SYCE1: variants seen among roughly 807,000 people sequenced by gnomAD.
SYCE1 encodes the protein synaptonemal complex central element protein 1.
Under a neutral mutation model 55.1 loss-of-function variants are expected in SYCE1, and 37 were observed. The ratio of observed to expected loss-of-function variants is 0.67; its 90% CI spans 0.52 to 0.88. The LOEUF (loss-of-function observed/expected upper bound fraction) is 0.88, where lower values mean the gene tolerates loss of function less well. Among genes scored for constraint, SYCE1 ranks in the 40% least tolerant of loss-of-function variants. The pLI is 0.00. For missense variants in SYCE1, 399 were observed against 416.4 expected, an observed-to-expected ratio of 0.96 and a Z score of 0.36; for synonymous variants, 163 against 159.4, an observed-to-expected ratio of 1.02 and a Z score of -0.17.
downstream of SYCE1, chr10:133,554,678 G>C (rs756197259): frequency 2.7e-6 from 2 of 750,472 alleles, no homozygotes. Context: ...GTGTAGTCCA[G>C]ACCTGTAATG....
At chr10:133,557,538 G>A in intron 6 of SYCE1, 1 of 497,178 alleles carries the variant, frequency 2.0e-6, no homozygotes, top group South Asian at 2.6e-5. Context: ...AGAGAGAATG[G>A]ACAAATGGTT....
At chr10:133,559,181 G>A in intron 3 of SYCE1, 120 bp downstream of exon 3, 1 of 1,125,546 alleles carries the variant, frequency 8.9e-7, no homozygotes, top group Non-Finnish European at 1.3e-6. Context: ...TTAAGGCTCT[G>A]CTGTTGCTGT....
chr10:133,557,281 A>G, intron 6 of SYCE1, 125 bp from the exon 7 acceptor site: 1 of 764,324 alleles, frequency 1.3e-6, no homozygotes, highest in Admixed American at 2.0e-5. Context: ...TCTCTGTAAC[A>G]TGTGGTAAGT....
chr10:133,555,553 C>T (rs754590196), intron 11 of SYCE1, 44 bp downstream of exon 11: 9 of 1,601,900 alleles, frequency 5.6e-6, no homozygotes, highest in East Asian at 4.5e-5. Flanking sequence ...CAACATCAGT[C>T]ATCTTCCTGG....
chr10:133,559,557 T>G, intron 2 of SYCE1, 197 bp from the exon 3 acceptor site: 1 of 592,884 alleles, frequency 1.7e-6, no homozygotes, highest in Non-Finnish European at 3.0e-6. Context: ...CGAATGGGGC[T>G]GCGGTAACCG....
chr10:133,565,635 A>G (rs1232512163), upstream of SYCE1: 1 of 1,096,114 alleles, frequency 9.1e-7, no homozygotes, highest in Non-Finnish European at 1.3e-6. Flanking sequence ...TGCGCAATGC[A>G]CTCCTGCGCG....
intron 6 of SYCE1, chr10:133,557,391 T>C (rs1851711732): frequency 1.8e-6 from 1 of 551,400 alleles, no homozygotes; most frequent in Admixed American, 3.3e-5. Flanking sequence ...CACATCTTAG[T>C]ATCATCTCGT....
intron 1 of SYCE1, among the ~76,000 whole-genome samples, chr10:133,564,953 G>A (rs930527713): frequency 2.0e-5 from 3 of 152,150 alleles, no homozygotes; most frequent in Non-Finnish European, 2.9e-5. Context: ...CACTATGGCA[G>A]GTCGGGGTCA....
downstream of SYCE1, chr10:133,554,047 T>G (rs538850488): frequency 9.2e-5 from 35 of 380,670 alleles, no homozygotes; most frequent in Non-Finnish European, 1.4e-4. Flanking sequence ...TCCTTCTAAT[T>G]GTGGGCTTAA....
At chr10:133,556,461 T>C (rs1311940781) in intron 8 of SYCE1, 13 of 536,624 alleles carry the variant, frequency 2.4e-5, no homozygotes, top group Non-Finnish European at 4.0e-5. Flanking sequence ...AGGATCCTCC[T>C]GGGGGACAAA....
intron 5 of SYCE1, 89 bp from the exon 6 acceptor site, chr10:133,558,007 G>T: frequency 2.6e-6 from 4 of 1,544,454 alleles, no homozygotes; most frequent in Non-Finnish European, 2.7e-6. Context: ...TCAGGTCTGT[G>T]GACACCTGAT....
At chr10:133,568,184 G>C (rs548400424), upstream of SYCE1, 1 of 1,039,708 alleles carries the variant, frequency 9.6e-7, no homozygotes, top group South Asian at 1.3e-5. Context: ...CGAAGTCCAC[G>C]TACAGTAGCT....
rs767001708 is a variant in SYCE1, at chr10:133,558,858, TGA to T, written c.271+17_271+18del. On this transcript the variant is annotated intron_variant, in intron 4 of 12. Coordinates refer to ENST00000343131, the MANE Select transcript of SYCE1 (RefSeq NM_001143764.3). Reference sequence around the variant, plus strand: ...TTAAGACACTGTGGGGACCTCTGGGTGACCCCCGGCTCTCTTACGCGAGTCCA... The same window carrying T: ...TTAAGACACTGTGGGGACCTCTGGGTCCCCCGGCTCTCTTACGCGAGTCCA... 6.2e-7 allele frequency: 1 copy of T among 1,612,964 alleles called. No individual in the cohort carries two copies. The highest frequency in any genetic ancestry group is 1.1e-5 in the South Asian group (1 of 90,890).
chr10:133,563,288 G>A (rs1851856988), intron 1 of SYCE1, among the ~76,000 whole-genome samples: 1 of 152,154 alleles, frequency 6.6e-6, no homozygotes, highest in South Asian at 2.1e-4. Flanking sequence ...GTTTATAATA[G>A]TGAAAAACTC....
chr10:133,557,400 G>A (rs1234828975), intron 6 of SYCE1: 6 of 537,612 alleles, frequency 1.1e-5, no homozygotes, highest in Admixed American at 3.3e-5. Flanking sequence ...GTATCATCTC[G>A]TTTTCCCAAA....
intron 1 of SYCE1, among the ~76,000 whole-genome samples, chr10:133,564,914 C>T (rs1485984863): frequency 3.3e-5 from 5 of 152,180 alleles, no homozygotes; most frequent in African/African-American, 9.7e-5. Flanking sequence ...AGCTGCCTGT[C>T]CCCTCCCTTC....
rs566477248 is a variant in SYCE1, at chr10:133,562,561, T to C, written c.74-2408A>G. Among the ~76,000 whole-genome samples, 8 of 152,290 alleles carry C rather than the reference T, an allele frequency of 5.3e-5. No individual in the cohort carries two copies. In the South Asian group the frequency reaches 1.7e-3, roughly 32 times the overall value. On this transcript the variant is annotated intron_variant, in intron 1 of 12. Coordinates refer to ENST00000343131, the MANE Select transcript of SYCE1 (RefSeq NM_001143764.3). ...TTGTGGAGAAAATTGTTTTTCCTTG[T>C]GTATCCCCAAGAGTGTAAACACACA...
At chr10:133,567,149 CAG>C (rs1851963541), upstream of SYCE1, among the ~76,000 whole-genome samples, 1 of 149,192 alleles carries the variant, frequency 6.7e-6, no homozygotes, top group Non-Finnish European at 1.5e-5. Flanking sequence ...GGTTAGGGGT[CAG>C]GGGTCCGGTC....
At chr10:133,565,156 TTTTTG>T (rs1047375311) in intron 1 of SYCE1, among the ~76,000 whole-genome samples, 10 of 152,196 alleles carry the variant, frequency 6.6e-5, no homozygotes, top group African/African-American at 1.7e-4. Flanking sequence ...GAAAATATCC[TTTTTG>T]TTTTAAGAGG....
Sources: allele counts gnomAD v4.1 joint callset (sites outside exome capture counted in the v4.1 genomes callset), GRCh38; gene constraint gnomAD v4.1.1; transcripts MANE v1.5; gene names NCBI Gene and HGNC (gene_info 2026-07-23, HGNC 2026-07-21).